ZFHX3: variants seen among roughly 807,000 people sequenced by gnomAD.
ZFHX3 encodes the protein zinc finger homeobox protein 3.
ZFHX3 carries 42 observed loss-of-function variants against 279.1 expected under a neutral mutation model. The ratio of observed to expected loss-of-function variants is 0.15; its 90% CI spans 0.12 to 0.19. ZFHX3 has a LOEUF of 0.19. ZFHX3 is among the 10% of genes least tolerant of loss of function. The pLI is 1.00. For synonymous variants in ZFHX3, 2,293 were observed against 1,957.8 expected (o/e 1.17, Z -4.52); for missense variants, 4,981 against 4,754.0 (o/e 1.05, Z -1.40).
chr16:72,907,146 T>C (rs1331445831), intron 3 of ZFHX3, among the ~76,000 whole-genome samples: 1 of 152,166 alleles, frequency 6.6e-6, no homozygotes, highest in South Asian at 2.1e-4. Context: ...CTATGGACGC[T>C]TTTATATTAG....
chr16:73,635,912 T>C (rs1385746529), intron 2 of ZFHX3, among the ~76,000 whole-genome samples: 2 of 152,218 alleles, frequency 1.3e-5, no homozygotes, highest in Admixed American at 6.5e-5. Context: ...ATTTTCCTGA[T>C]TTCATGTAAT....
rs1356588962 is a variant in ZFHX3 at position 72,923,411 on chromosome 16, C to G, written c.3216+27058G>C. Among the ~76,000 whole-genome samples the G allele has an allele frequency of 2.0e-5, 3 of 148,962 alleles. No individual in the cohort carries two copies. The Admixed American group carries it at 2.0e-4, about 10-fold the overall frequency. ...AGTGAGCTGTGATCACACCACTGCA[C>G]TCCAGCCTGGGCGACAGAGTGAGAC... On this transcript the variant is annotated intron_variant, in intron 3 of 9. Transcript: ENST00000268489.
intron 1 of ZFHX3, among the ~76,000 whole-genome samples, chr16:73,681,739 T>A (rs1266059226): frequency 6.6e-6 from 1 of 152,214 alleles, no homozygotes; most frequent in Non-Finnish European, 1.5e-5. Context: ...CATTCAAAAT[T>A]ATGGTTTTTA....
At chr16:73,677,080 C>A (rs926637415) in intron 2 of ZFHX3, among the ~76,000 whole-genome samples, 1 of 151,928 alleles carries the variant, frequency 6.6e-6, no homozygotes, top group African/African-American at 2.4e-5. Context: ...AATTCTCTAT[C>A]TTAAGGAAAA....
chr16:73,100,618 T>C (rs28539433), intron 7 of ZFHX3, among the ~76,000 whole-genome samples: 56,859 of 150,010 alleles, frequency 0.38, 11,149 homozygotes, highest in East Asian at 0.65. Context: ...CTTGCTCTGT[T>C]ACCCAGGCTG....
intron 1 of ZFHX3, among the ~76,000 whole-genome samples, chr16:73,869,219 C>T (rs185624709): frequency 1.7e-3 from 258 of 152,278 alleles, no homozygotes; most frequent in Non-Finnish European, 3.0e-3. Context: ...AGTAGAGCAA[C>T]CTACAGGGTG....
rs1225889721 is a variant in ZFHX3, at chr16:72,785,334, T to C, written c.*1830A>G. On this transcript the variant is annotated 3_prime_UTR_variant, in exon 10 of 10. Transcript: ENST00000268489. ...TCCTTTTTTGCTTTCTGTACACTGC[T>C]ATCTGCTGCTTTGTTGGCTGCGCTC... 6.6e-6 allele frequency: 1 copy of C among 152,670 alleles called. No homozygotes were observed. Among genetic ancestry groups the C allele is most frequent in the African/African-American group, 2.4e-5 (1 of 41,458 alleles). 9.5% of individuals were successfully genotyped at this position (152,670 alleles called of 1,614,324 possible).
At chr16:73,469,477 T>C (rs192452051) in intron 2 of ZFHX3, among the ~76,000 whole-genome samples, 67 of 152,160 alleles carry the variant, frequency 4.4e-4, no homozygotes, top group Non-Finnish European at 7.6e-4. Flanking sequence ...AGGATTAGAA[T>C]ATGAGTTCTG....
intron 5 of ZFHX3, among the ~76,000 whole-genome samples, chr16:73,191,676 G>T (rs1305855879): frequency 6.6e-6 from 1 of 151,526 alleles, no homozygotes; most frequent in African/African-American, 2.4e-5. Context: ...TCTCTCTCTG[G>T]TCCCCTCTCA....
chr16:72,950,830 T>C lies in ZFHX3; in HGVS notation c.2855A>G (p.Lys952Arg), dbSNP rs139936828. 1.9e-6 allele frequency: 3 copies of C among 1,614,066 alleles called. No homozygotes were observed. The highest frequency in any genetic ancestry group is 1.3e-5 in the African/African-American group (1 of 74,924). The change falls in exon 3 of 10, where the codon AAG (lysine) becomes AGG (arginine). Residue 952 changes from lysine (K) to arginine (R), a missense_variant. Around this residue, in one of 7 missense-constraint regions of ZFHX3, gnomAD observed 1,751 missense variants for 1,770.0 expected, o/e 0.99. Coordinates refer to ENST00000268489, the MANE Select transcript of ZFHX3 (RefSeq NM_006885.4). ...LKLFQCAVCN[K>R]FTTDNLDMLG... ...CATGTCCAGGTTGTCCGTCGTGAAC[T>C]TGTTGCAGACGGCGCACTGGAAGAG...
Position 73,424,850 on chromosome 16 carries a change from TTTTG to T in ZFHX3, c.-1291+31149_-1291+31152del, listed in dbSNP as rs140806291. 3.1e-3 allele frequency among the ~76,000 whole-genome samples: 472 copies of T among 152,224 alleles called. 3 individuals are homozygous for T. Among genetic ancestry groups the T allele is most frequent in the African/African-American group, 0.011 (452 of 41,530 alleles). On this transcript the variant is annotated intron_variant, in intron 3 of 17. Coordinates refer to the ZFHX3 transcript ENST00000641206. ...GTAATCACCATCTTTCACCATCTTT[TTTTG>T]TTTGTTTGTTTAAAGCAAAAGAGTT...
intron 8 of ZFHX3, among the ~76,000 whole-genome samples, chr16:73,070,915 TGCGCGCGCGCGC>T (rs1214080832): frequency 1.1e-3 from 99 of 90,612 alleles, no homozygotes; most frequent in African/African-American, 3.4e-3. Flanking sequence ...TAGACCGTCT[TGCGCGCGCGCGC>T]GCGCGCGCGC....
chr16:73,720,769 C>T (rs1028673407), intron 1 of ZFHX3, among the ~76,000 whole-genome samples: 44 of 152,102 alleles, frequency 2.9e-4, no homozygotes, highest in Non-Finnish European at 4.4e-4. Flanking sequence ...CCATTTCTTT[C>T]AACAAACGAT....
exon 1 of ZFHX3, chr16:73,059,493 C>G (rs923630636): frequency 6.8e-6 from 1 of 146,232 alleles, no homozygotes; most frequent in African/African-American, 2.5e-5. Flanking sequence ...TTCTTCCCCC[C>G]CTTCTCTTTT....
chr16:73,098,262 G>T (rs969396755), intron 7 of ZFHX3, among the ~76,000 whole-genome samples: 4 of 152,020 alleles, frequency 2.6e-5, no homozygotes, highest in African/African-American at 9.7e-5. Context: ...TAGAGACAGG[G>T]TTTCACCATA....
chr16:73,374,992 T>A (rs532722726), intron 3 of ZFHX3, among the ~76,000 whole-genome samples: 1 of 152,240 alleles, frequency 6.6e-6, no homozygotes, highest in South Asian at 2.1e-4. Context: ...TAGTTATTTA[T>A]AATAATTGCT....
At chr16:73,801,394 G>C (rs1960142329) in intron 1 of ZFHX3, among the ~76,000 whole-genome samples, 1 of 152,162 alleles carries the variant, frequency 6.6e-6, no homozygotes, top group African/African-American at 2.4e-5. Flanking sequence ...GTGGGTTAAA[G>C]GGTTACACAT....
At chr16:73,049,269 T>C (rs1432376352), upstream of ZFHX3, among the ~76,000 whole-genome samples, 1 of 152,236 alleles carries the variant, frequency 6.6e-6, no homozygotes, top group African/African-American at 2.4e-5. Context: ...CACCTGCTTT[T>C]ACCCTTTCTG....
At chr16:73,598,883 C>T (rs1261077111) in intron 2 of ZFHX3, among the ~76,000 whole-genome samples, 1 of 152,246 alleles carries the variant, frequency 6.6e-6, no homozygotes, top group Non-Finnish European at 1.5e-5. Context: ...CTGCCTCAGC[C>T]TACCGAGTAG....
Sources: gnomAD v4.1 joint callset for allele counts (sites outside exome capture counted in the v4.1 genomes callset) on GRCh38, gnomAD v4.1.1 for gene constraint, gnomAD v4.1.1 regional missense constraint, MANE v1.5 for transcripts, NCBI Gene and HGNC (gene_info 2026-07-23, HGNC 2026-07-21) for gene names.